The following CACNA1C variants were observed in gnomAD, a reference collection of about 807,000 sequenced individuals.
The protein encoded by CACNA1C is calcium voltage-gated channel subunit alpha1 C, also known as voltage-dependent L-type calcium channel subunit alpha-1C.
A neutral mutation model predicts 229.0 loss-of-function variants in CACNA1C; 30 were observed. The ratio of observed to expected loss-of-function variants is 0.13; its 90% CI spans 0.10 to 0.18. CACNA1C has a LOEUF of 0.18. Among genes scored for constraint, CACNA1C ranks in the 10% least tolerant of loss-of-function variants. The probability of loss-of-function intolerance (pLI) is 1.00; values close to 1 mark genes in which losing one functional copy is unlikely to be tolerated. For synonymous variants in CACNA1C, 1,114 were observed against 1,132.5 expected, an observed-to-expected ratio of 0.98 and a Z score of 0.33; for missense variants, 1,658 against 2,845.0, an observed-to-expected ratio of 0.58 and a Z score of 9.49.
At chr12:2,588,927 G>A (rs545615307) in intron 18 of CACNA1C, among the ~76,000 whole-genome samples, 1 of 152,292 alleles carries the variant, frequency 6.6e-6, no homozygotes, top group African/African-American at 2.4e-5. Flanking sequence ...GCTGGGGGAG[G>A]CTTTCATTGC....
At position 2,695,081 on chromosome 12, in the gene CACNA1C, C is replaced by T. The variant is rs1218695917; in HGVS notation, c.*3882C>T. ...GACTCCCAGAAGACCTCTTTAAACC[C>T]CAGGGGAGGCAAATACTTGCTGATG... On this transcript the variant is annotated 3_prime_UTR_variant, in exon 47 of 47. Coordinates refer to ENST00000399655, the MANE Select transcript of CACNA1C (RefSeq NM_000719.7). 6.6e-6 allele frequency: 1 copy of T among 150,872 alleles called. No homozygotes were observed. Among genetic ancestry groups the T allele is most frequent in the African/African-American group, 2.5e-5 (1 of 40,514 alleles). 9.3% of individuals were successfully genotyped at this position (150,872 alleles called of 1,614,324 possible). A position where few individuals can be genotyped will look rare whatever the true frequency, so the allele number is the denominator to read the frequency against.
At chr12:2,079,368 A>G (rs920136427) in intron 1 of CACNA1C, among the ~76,000 whole-genome samples, 2 of 152,196 alleles carry the variant, frequency 1.3e-5, no homozygotes, top group African/African-American at 4.8e-5. Flanking sequence ...TTAAACAGCA[A>G]GTACTCATTT....
intron 45 of CACNA1C, among the ~76,000 whole-genome samples, chr12:2,687,992 G>A (rs967727935): frequency 1.1e-4 from 17 of 152,222 alleles, no homozygotes; most frequent in African/African-American, 2.7e-4. Context: ...GGTGCACAGC[G>A]CTTCTTCACA....
chr12:2,469,428 C>G (rs1026812556), intron 5 of CACNA1C, among the ~76,000 whole-genome samples: 11 of 152,150 alleles, frequency 7.2e-5, no homozygotes, highest in Admixed American at 3.9e-4. Flanking sequence ...ATAGGAAATA[C>G]ACTCATGTCA....
rs2094445499 is a variant in CACNA1C, at chr12:2,300,216, A to C, written c.478-148760A>C. Among the ~76,000 whole-genome samples, 3 of 152,230 alleles carry C rather than the reference A, an allele frequency of 2.0e-5. No individual in the cohort carries two copies. In the South Asian group the frequency reaches 6.2e-4, roughly 32 times the overall value. The stretch of plus-strand genomic sequence containing the variant: ...TGTTTGTTAAGAGTACAAAGCCATA[A>C]TTGGGAAAACAGTGAGGTCCCGATT... On this transcript the variant is annotated intron_variant, in intron 3 of 46. Coordinates refer to ENST00000399655, the MANE Select transcript of CACNA1C (RefSeq NM_000719.7).
intron 3 of CACNA1C, among the ~76,000 whole-genome samples, chr12:2,160,864 C>G (rs1339086570): frequency 1.3e-5 from 2 of 152,192 alleles, no homozygotes; most frequent in Admixed American, 1.3e-4. Context: ...GTCTGTCACC[C>G]AGGCGGGAGT....
intron 3 of CACNA1C, among the ~76,000 whole-genome samples, chr12:2,163,720 G>A (rs770096725): frequency 4.6e-5 from 7 of 152,170 alleles, no homozygotes; most frequent in East Asian, 1.9e-4. Context: ...ATTTTGGATC[G>A]ATTTTGCAGC....
rs563885526 is a variant in CACNA1C at position 2,321,872 on chromosome 12, A to G, written c.478-127104A>G. On this transcript the variant is annotated intron_variant, in intron 3 of 46. Coordinates refer to ENST00000399655, the MANE Select transcript of CACNA1C (RefSeq NM_000719.7). ...GTGATGGCAACTGGTTCCTTCCTCGAAGGTAAAGTCTGGATCAAGTTTGCA... is the reference window on the plus strand; with the variant it reads ...GTGATGGCAACTGGTTCCTTCCTCGGAGGTAAAGTCTGGATCAAGTTTGCA... 3.3e-5 allele frequency among the ~76,000 whole-genome samples: 5 copies of G among 152,322 alleles called. No homozygotes were observed. In the South Asian group the frequency reaches 1.0e-3, roughly 32 times the overall value.
intron 1 of CACNA1C, among the ~76,000 whole-genome samples, chr12:2,038,099 G>A (rs1018085940): frequency 3.3e-5 from 5 of 152,030 alleles, no homozygotes; most frequent in Admixed American, 2.6e-4. Flanking sequence ...CCCTACTGAC[G>A]AAGACTGTGC....
chr12:2,136,475 G>C (rs556080820), intron 3 of CACNA1C, among the ~76,000 whole-genome samples: 71 of 151,556 alleles, frequency 4.7e-4, no homozygotes, highest in African/African-American at 1.7e-3. Flanking sequence ...CTGCTATGCT[G>C]TGTGGCCCCC....
chr12:2,447,258 G>A (rs1009931872), intron 3 of CACNA1C, among the ~76,000 whole-genome samples: 3 of 152,134 alleles, frequency 2.0e-5, no homozygotes, highest in African/African-American at 7.2e-5. Context: ...CACGTCCTGT[G>A]ATTTGTTTGT....
intron 3 of CACNA1C, among the ~76,000 whole-genome samples, chr12:2,421,158 A>C (rs2098974861): frequency 6.6e-6 from 1 of 152,232 alleles, no homozygotes; most frequent in Non-Finnish European, 1.5e-5. Flanking sequence ...GCTTAGCAAA[A>C]AAAATTATAG....
At position 2,183,179 on chromosome 12, in the gene CACNA1C, C is replaced by T. The variant is rs568193232; in HGVS notation, c.477+62749C>T. On this transcript the variant is annotated intron_variant, in intron 3 of 46. Coordinates refer to ENST00000399655, the MANE Select transcript of CACNA1C (RefSeq NM_000719.7). ...TGAGCCACCATGCCCAGCCCCCTGACGTGATTTCTATGAAAATGAAATTAA... is the reference window on the plus strand; with the variant it reads ...TGAGCCACCATGCCCAGCCCCCTGATGTGATTTCTATGAAAATGAAATTAA... Among the ~76,000 whole-genome samples the T allele has an allele frequency of 7.2e-5, 11 of 151,802 alleles. No homozygotes were observed. The South Asian group carries it at 1.2e-3, about 17-fold the overall frequency.
At position 2,348,254 on chromosome 12, in the gene CACNA1C, G is replaced by A. The variant is rs373084845; in HGVS notation, c.478-100722G>A. 1.8e-3 allele frequency among the ~76,000 whole-genome samples: 280 copies of A among 152,330 alleles called. 1 individual carries two copies. Among genetic ancestry groups the A allele is most frequent in the African/African-American group, 6.3e-3 (261 of 41,590 alleles). Reference sequence around the variant, plus strand: ...AGGCCTTCTGCTCACCGGAAGGGGGGCAGGTCTGCAGCCCCTCCCCCACTG... The same window carrying A: ...AGGCCTTCTGCTCACCGGAAGGGGGACAGGTCTGCAGCCCCTCCCCCACTG... On this transcript the variant is annotated intron_variant, in intron 3 of 46. Coordinates refer to ENST00000399655, the MANE Select transcript of CACNA1C (RefSeq NM_000719.7). This position sits in a 1 kb window ranked among gnomAD's most constrained non-coding sequence, Gnocchi z 4.7.
intron 1 of CACNA1C, among the ~76,000 whole-genome samples, chr12:2,102,543 CT>C (rs2076817420): frequency 6.6e-6 from 1 of 152,154 alleles, no homozygotes; most frequent in Non-Finnish European, 1.5e-5. Context: ...AGGATTTCTC[CT>C]TTTTGTAGAT....
intron 7 of CACNA1C, among the ~76,000 whole-genome samples, chr12:2,503,257 C>T (rs745673591): frequency 2.0e-5 from 3 of 152,070 alleles, no homozygotes; most frequent in Admixed American, 6.5e-5. Flanking sequence ...TGAAGCTGTT[C>T]GTCCGTGGGC....
chr12:2,607,194 C>G, intron 26 of CACNA1C, 64 bp downstream of exon 26: 1 of 1,522,936 alleles, frequency 6.6e-7, no homozygotes, highest in Non-Finnish European at 8.9e-7. Context: ...ACTTTCCAGC[C>G]CATCCCCAAG....
chr12:2,642,034 C>T (rs977115572), intron 30 of CACNA1C, among the ~76,000 whole-genome samples: 16 of 152,102 alleles, frequency 1.1e-4, no homozygotes, highest in African/African-American at 2.9e-4. Flanking sequence ...GACAGAGAGA[C>T]GGGCCTGAGA....
intron 3 of CACNA1C, among the ~76,000 whole-genome samples, chr12:2,357,256 C>T (rs141753854): frequency 6.6e-6 from 1 of 152,300 alleles, no homozygotes; most frequent in African/African-American, 2.4e-5. Context: ...ACAAGAGAAT[C>T]ACCTTGCTCC....
Sources: allele counts gnomAD v4.1 joint callset (sites outside exome capture counted in the v4.1 genomes callset), GRCh38; gene constraint gnomAD v4.1.1; non-coding constraint Gnocchi (gnomAD v3.1); transcripts MANE v1.5; gene names NCBI Gene and HGNC (gene_info 2026-07-23, HGNC 2026-07-21).